The following CCDC91 variants were observed in gnomAD, a reference collection of about 807,000 sequenced individuals.
The protein encoded by CCDC91 is coiled-coil domain-containing protein 91.
Under a neutral mutation model 63.2 loss-of-function variants are expected in CCDC91, and 48 were observed. That is an observed-to-expected ratio of 0.76 (90% CI 0.60 to 0.97). The LOEUF is 0.97. CCDC91 is among the 50% of genes least tolerant of loss of function. The pLI is 0.00. For missense variants in CCDC91, 500 were observed against 494.6 expected (o/e 1.01, Z -0.10); for synonymous variants, 167 against 165.8 (o/e 1.01, Z -0.06).
intron 8 of CCDC91, among the ~76,000 whole-genome samples, chr12:28,396,754 A>G (rs1487444870): frequency 6.6e-6 from 1 of 151,974 alleles, no homozygotes; most frequent in African/African-American, 2.4e-5. Flanking sequence ...GTAATAGAAT[A>G]TATTTTTCTG....
At chr12:28,213,229 G>A (rs1030332795) in intron 1 of CCDC91, among the ~76,000 whole-genome samples, 1 of 152,120 alleles carries the variant, frequency 6.6e-6, no homozygotes, top group Non-Finnish European at 1.5e-5. Flanking sequence ...TGAGGAAGTT[G>A]GCATGCAAGA....
At chr12:28,270,636 C>T (rs1947702782) in intron 3 of CCDC91, among the ~76,000 whole-genome samples, 1 of 152,222 alleles carries the variant, frequency 6.6e-6, no homozygotes, top group African/African-American at 2.4e-5. Flanking sequence ...AACATTTACT[C>T]AACTCATCAA....
At chr12:28,213,263 C>T (rs78412660) in intron 1 of CCDC91, among the ~76,000 whole-genome samples, 6 of 152,170 alleles carry the variant, frequency 3.9e-5, no homozygotes, top group African/African-American at 7.2e-5. Flanking sequence ...CTCTCCCCAC[C>T]GACTCCTCTT....
intron 8 of CCDC91, among the ~76,000 whole-genome samples, chr12:28,442,298 G>A (rs1412301842): frequency 6.6e-6 from 1 of 152,038 alleles, no homozygotes; most frequent in East Asian, 1.9e-4. Context: ...ATGAAAATTC[G>A]TGACATATTT....
chr12:28,382,148 C>T (rs34923462), intron 7 of CCDC91, among the ~76,000 whole-genome samples: 1,922 of 152,006 alleles, frequency 0.013, 13 homozygotes, highest in Middle Eastern at 0.017. Context: ...AACATGTTTG[C>T]TGTAATAACA....
chr12:28,410,003 T>C (rs937704656), intron 8 of CCDC91, among the ~76,000 whole-genome samples: 1 of 152,158 alleles, frequency 6.6e-6, no homozygotes, highest in Non-Finnish European at 1.5e-5. Flanking sequence ...TTGTACATTC[T>C]GGTGTTGGTG....
intron 3 of CCDC91, chr12:28,302,504 A>G: frequency 2.9e-6 from 1 of 341,030 alleles, no homozygotes; most frequent in South Asian, 1.2e-4. Context: ...TAATTTGCCT[A>G]AGGCTGCATA....
At chr12:28,308,702 A>C (rs1213844377) in intron 6 of CCDC91, among the ~76,000 whole-genome samples, 1 of 151,922 alleles carries the variant, frequency 6.6e-6, no homozygotes, top group Non-Finnish European at 1.5e-5. Flanking sequence ...ACCTTATCAG[A>C]TAAGCCTTTC....
At chr12:28,213,187 G>C (rs1460278294) in intron 1 of CCDC91, among the ~76,000 whole-genome samples, 1 of 152,092 alleles carries the variant, frequency 6.6e-6, no homozygotes, top group Non-Finnish European at 1.5e-5. Flanking sequence ...AATTAATTCT[G>C]CATTGCCCAA....
chr12:28,519,452 C>T (rs1430721861), intron 12 of CCDC91, among the ~76,000 whole-genome samples: 1 of 151,906 alleles, frequency 6.6e-6, no homozygotes, highest in Non-Finnish European at 1.5e-5. Flanking sequence ...GTTCTAGAAG[C>T]TGTCTGGAGG....
intron 8 of CCDC91, among the ~76,000 whole-genome samples, chr12:28,438,385 G>A (rs1418247868): frequency 6.6e-6 from 1 of 152,046 alleles, no homozygotes; most frequent in Non-Finnish European, 1.5e-5. Context: ...TAGCATTCAT[G>A]GACCATCTTT....
chr12:28,482,502 A>G (rs1450242868), intron 11 of CCDC91, among the ~76,000 whole-genome samples: 1 of 151,954 alleles, frequency 6.6e-6, no homozygotes, highest in Non-Finnish European at 1.5e-5. Context: ...GTGATAGATG[A>G]TATGATCAAG....
At position 28,431,974 on chromosome 12, in the gene CCDC91, A is replaced by G. The variant is rs559264329; in HGVS notation, c.763-18187A>G. ...TTTTCCAGAAGGTCGTATATTTGGA[A>G]CCATACAATATGCTGCAACTTTTTA... On this transcript the variant is annotated intron_variant, in intron 8 of 12. Coordinates refer to ENST00000536442, the MANE Select transcript of CCDC91 (RefSeq NM_018318.5). Among the ~76,000 whole-genome samples, 6 of 151,910 alleles carry G rather than the reference A, an allele frequency of 3.9e-5. No individual in the cohort carries two copies. The East Asian group carries it at 1.2e-3, about 29-fold the overall frequency.
At chr12:28,245,909 G>A (rs943114136) in intron 1 of CCDC91, among the ~76,000 whole-genome samples, 13 of 152,128 alleles carry the variant, frequency 8.5e-5, no homozygotes, top group African/African-American at 2.7e-4. Context: ...TTTACTCATA[G>A]GCATATACTC....
intron 6 of CCDC91, among the ~76,000 whole-genome samples, chr12:28,349,631 C>T (rs1363543573): frequency 6.6e-6 from 1 of 152,136 alleles, no homozygotes; most frequent in Non-Finnish European, 1.5e-5. Flanking sequence ...GGTTTGATAA[C>T]CTTCTCTAGA....
At chr12:28,335,591 A>T (rs1270241664) in intron 6 of CCDC91, among the ~76,000 whole-genome samples, 1 of 151,118 alleles carries the variant, frequency 6.6e-6, no homozygotes, top group Non-Finnish European at 1.5e-5. Flanking sequence ...TATTTTTTGT[A>T]GAGACTGAGC....
At chr12:28,305,934 T>A in intron 4 of CCDC91, 128 bp downstream of exon 4, 2 of 742,330 alleles carry the variant, frequency 2.7e-6, no homozygotes, top group Non-Finnish European at 4.2e-6. Flanking sequence ...ATAGATATTC[T>A]AATTTTGAGG....
chr12:28,286,157 G>GT (rs370480424), intron 3 of CCDC91, among the ~76,000 whole-genome samples: 24 of 149,800 alleles, frequency 1.6e-4, no homozygotes, highest in Admixed American at 2.0e-4. Flanking sequence ...CAATAAAGAA[G>GT]TTTTTTTTTT....
intron 6 of CCDC91, 46 bp from the exon 7 acceptor site, chr12:28,362,392 C>CA: frequency 3.7e-6 from 5 of 1,369,790 alleles, no homozygotes; most frequent in Non-Finnish European, 5.0e-6. Flanking sequence ...ATTTTGAAAA[C>CA]AAAACAGAAG....
Sources: allele counts gnomAD v4.1 joint callset (sites outside exome capture counted in the v4.1 genomes callset), GRCh38; gene constraint gnomAD v4.1.1; transcripts MANE v1.5; gene names NCBI Gene and HGNC (gene_info 2026-07-23, HGNC 2026-07-21).